The following MAPK10 variants were observed in gnomAD, a reference collection of about 807,000 sequenced individuals.
MAPK10 encodes the protein mitogen-activated protein kinase 10.
In MAPK10, 25 loss-of-function variants were observed where a neutral mutation model predicts 59.3. The ratio of observed to expected loss-of-function variants is 0.42; its 90% CI spans 0.31 to 0.59. The LOEUF (loss-of-function observed/expected upper bound fraction) is 0.59. Ranked by LOEUF, MAPK10 falls within the 20% of genes least tolerant of loss-of-function variation. The probability of loss-of-function intolerance (pLI) is 0.15; values close to 1 mark genes in which losing one functional copy is unlikely to be tolerated. For missense variants in MAPK10, 351 were observed against 568.9 expected (o/e 0.62, Z 3.90); for synonymous variants, 190 against 200.5 (o/e 0.95, Z 0.44).
intron 1 of MAPK10, among the ~76,000 whole-genome samples, chr4:86,470,406 G>A (rs928722277): frequency 2.6e-5 from 4 of 152,166 alleles, no homozygotes; most frequent in Admixed American, 6.5e-5. Context: ...ATTGGGACAA[G>A]TCTGAATAGA....
chr4:86,026,400 T>C (rs1191574682), intron 13 of MAPK10: 1 of 152,176 alleles, frequency 6.6e-6, no homozygotes, highest in Non-Finnish European at 1.5e-5. Flanking sequence ...TCCTTGAAAA[T>C]AAATTACTAT....
intron 2 of MAPK10, among the ~76,000 whole-genome samples, chr4:86,268,768 A>G (rs897115271): frequency 7.2e-5 from 11 of 152,286 alleles, no homozygotes; most frequent in South Asian, 6.2e-4. Flanking sequence ...TCTAACTAAA[A>G]TTACTGGCCC....
At chr4:86,419,328 T>C (rs35103650) in intron 1 of MAPK10, among the ~76,000 whole-genome samples, 38,868 of 152,040 alleles carry the variant, frequency 0.26, 5,590 homozygotes, top group Non-Finnish European at 0.32. Flanking sequence ...AAAGCATTCA[T>C]TTTGTAAATT....
At position 86,488,872 on chromosome 4, in the gene MAPK10, C is replaced by T. The variant is rs1754238322; in HGVS notation, c.-263+105038G>A. 2.0e-5 allele frequency among the ~76,000 whole-genome samples: 3 copies of T among 152,158 alleles called. No homozygotes were observed. In the South Asian group the frequency reaches 6.2e-4, roughly 32 times the overall value. ...TTTCCTTCCCTGTGGCAGTGTAGCT[C>T]CTCCCATCAAGAGATACCTTTTGAA... On this transcript the variant is annotated intron_variant, in intron 1 of 4. Coordinates refer to the MAPK10 transcript ENST00000502302.
chr4:86,135,014 G>A (rs189666258), intron 4 of MAPK10, among the ~76,000 whole-genome samples: 1,538 of 152,296 alleles, frequency 0.01, 9 homozygotes, highest in Non-Finnish European at 0.017. Flanking sequence ...ATTATATCCC[G>A]CACGTGGCTC....
chr4:86,282,398 C>T (rs2094841899), intron 2 of MAPK10, among the ~76,000 whole-genome samples: 1 of 152,154 alleles, frequency 6.6e-6, no homozygotes, highest in South Asian at 2.1e-4. Flanking sequence ...TTTTTTAATT[C>T]ATCCTATTGT....
chr4:86,378,866 T>C (rs1413784298), intron 1 of MAPK10, among the ~76,000 whole-genome samples: 2 of 152,156 alleles, frequency 1.3e-5, no homozygotes, highest in Non-Finnish European at 2.9e-5. Flanking sequence ...CTACAGGCAA[T>C]ATACAAACTG....
rs11929783 is a variant in MAPK10 at position 86,446,177 on chromosome 4, T to C, written c.-122+6853A>G. Among the ~76,000 whole-genome samples, 923 of 152,256 alleles carry C rather than the reference T, an allele frequency of 6.1e-3. 7 individuals are homozygous for C. The highest frequency in any genetic ancestry group is 0.02 in the African/African-American group (825 of 41,542). On this transcript the variant is annotated intron_variant, in intron 1 of 13. Transcript: ENST00000361569. Reference sequence around the variant, plus strand: ...TGTTACAAGGTACTTGTATTATCTGTGAAGCAGTATAGCTCACTTTCAAAT... The same window carrying C: ...TGTTACAAGGTACTTGTATTATCTGCGAAGCAGTATAGCTCACTTTCAAAT...
intron 2 of MAPK10, among the ~76,000 whole-genome samples, chr4:86,296,874 T>A (rs1413131031): frequency 6.6e-6 from 1 of 152,240 alleles, no homozygotes; most frequent in African/African-American, 2.4e-5. Context: ...ATTCTATTCC[T>A]AGGACCTTCT....
chr4:86,234,729 C>T (rs530338536), intron 2 of MAPK10, among the ~76,000 whole-genome samples: 95 of 152,110 alleles, frequency 6.2e-4, no homozygotes, highest in African/African-American at 2.2e-3. Flanking sequence ...TATTTAAAGA[C>T]CCCAGAGTTA....
upstream of MAPK10, among the ~76,000 whole-genome samples, chr4:86,361,487 C>G (rs1463866229): frequency 6.6e-6 from 1 of 152,076 alleles, no homozygotes; most frequent in Non-Finnish European, 1.5e-5. Flanking sequence ...GTATTATATA[C>G]TAAGTTTGGA....
rs923891466 is a variant in MAPK10, at chr4:86,017,963, C to A, written c.1253-593G>T. 6.6e-6 allele frequency among the ~76,000 whole-genome samples: 1 copy of A among 152,120 alleles called. No homozygotes were observed. Among genetic ancestry groups the A allele is most frequent in the African/African-American group, 2.4e-5 (1 of 41,436 alleles). ...GTCTCGATCTCTTGACCTCATGATC[C>A]GCCCACCTCTGCCTCCCAAAGTGCT... On this transcript the variant is annotated intron_variant, in intron 13 of 13. Coordinates refer to ENST00000641462, the MANE Select transcript of MAPK10 (RefSeq NM_138982.4). The surrounding 1 kb of genome is among the most constrained non-coding windows in gnomAD (Gnocchi z 4.4).
At position 86,354,586 on chromosome 4, in the gene MAPK10, C is replaced by T. The variant is rs2148969539; in HGVS notation, c.-63G>A. 3.2e-6 allele frequency: 4 copies of T among 1,231,536 alleles called. No individual in the cohort carries two copies. The highest frequency in any genetic ancestry group is 4.1e-6 in the Non-Finnish European group (4 of 987,496). The allele number at this position is 1,231,536 out of a possible 1,614,324, so 76.3% of individuals were successfully genotyped here. On this transcript the variant is annotated 5_prime_UTR_variant, in exon 2 of 14. It removes an upstream start codon present in the reference 5' UTR. Coordinates refer to ENST00000641462, the MANE Select transcript of MAPK10 (RefSeq NM_138982.4). Reference sequence around the variant, plus strand: ...ACGGGTCTAATTCAACAGTTTCTTGCATAAGTTGCCATAGTGAAGATCTGA... The same window carrying T: ...ACGGGTCTAATTCAACAGTTTCTTGTATAAGTTGCCATAGTGAAGATCTGA...
chr4:86,573,748 C>T (rs75304561), intron 1 of MAPK10, among the ~76,000 whole-genome samples: 7,119 of 152,176 alleles, frequency 0.047, 219 homozygotes, highest in African/African-American at 0.059. Flanking sequence ...TAAGTTTTCT[C>T]TCATTTCATT....
intron 2 of MAPK10, among the ~76,000 whole-genome samples, chr4:86,196,967 G>C (rs2081450430): frequency 1.3e-5 from 2 of 152,120 alleles, no homozygotes; most frequent in African/African-American, 4.8e-5. Flanking sequence ...CTGTAGCCTT[G>C]TAGTATAGTT....
chr4:86,462,846 A>G (rs142755524), intron 1 of MAPK10, among the ~76,000 whole-genome samples: 126 of 152,312 alleles, frequency 8.3e-4, no homozygotes, highest in African/African-American at 2.8e-3. Context: ...GGACTAGGAA[A>G]AAATTTGCAA....
At chr4:86,159,591 G>A in intron 3 of MAPK10, 124 bp from the exon 4 acceptor site, 1 of 720,312 alleles carries the variant, frequency 1.4e-6, no homozygotes, top group Non-Finnish European at 2.2e-6. Context: ...AGTTCATGAA[G>A]TTCACATAGA....
At chr4:86,115,697 G>C (rs2058201879) in intron 4 of MAPK10, among the ~76,000 whole-genome samples, 1 of 152,158 alleles carries the variant, frequency 6.6e-6, no homozygotes. Flanking sequence ...CTGACCTCAA[G>C]TAATCCGCCC....
intron 1 of MAPK10, among the ~76,000 whole-genome samples, chr4:86,535,866 C>G (rs183607340): frequency 6.6e-6 from 1 of 152,118 alleles, no homozygotes; most frequent in African/African-American, 2.4e-5. Context: ...GTACAAGACA[C>G]GTCAAAACAT....
Sources: allele counts gnomAD v4.1 joint callset (sites outside exome capture counted in the v4.1 genomes callset), GRCh38; gene constraint gnomAD v4.1.1; non-coding constraint Gnocchi (gnomAD v3.1); transcripts MANE v1.5; gene names NCBI Gene and HGNC (gene_info 2026-07-23, HGNC 2026-07-21).